Variants in RASGRF2 observed in about 807,000 individuals in gnomAD.
RASGRF2 encodes the protein ras-specific guanine nucleotide-releasing factor 2.
Under a neutral mutation model 151.0 loss-of-function variants are expected in RASGRF2, and 76 were observed. The ratio of observed to expected loss-of-function variants is 0.50; its 90% CI spans 0.42 to 0.61. The LOEUF (loss-of-function observed/expected upper bound fraction) is 0.61. Among genes scored for constraint, RASGRF2 ranks in the 20% least tolerant of loss-of-function variants. The pLI is 0.00. For missense variants in RASGRF2, 1,148 were observed against 1,564.6 expected (o/e 0.73, Z 4.49); for synonymous variants, 504 against 566.5 (o/e 0.89, Z 1.57).
At chr5:81,184,474 A>T (rs1182863854) in intron 18 of RASGRF2, among the ~76,000 whole-genome samples, 1 of 152,190 alleles carries the variant, frequency 6.6e-6, no homozygotes, top group East Asian at 1.9e-4. Flanking sequence ...CAATTACCGT[A>T]TTGACCAACC....
intron 18 of RASGRF2, chr5:81,183,335 A>G: frequency 4.1e-6 from 4 of 975,830 alleles, no homozygotes; most frequent in Non-Finnish European, 4.9e-6. Context: ...TAACATTGGC[A>G]GATACTACCT....
chr5:81,068,259 G>A, intron 3 of RASGRF2, 80 bp downstream of exon 3: 1 of 1,485,086 alleles, frequency 6.7e-7, no homozygotes, highest in Non-Finnish European at 9.1e-7. Context: ...GCCTATTCAG[G>A]GCAACATTTT....
chr5:81,018,767 A>G (rs1375330502), intron 1 of RASGRF2, among the ~76,000 whole-genome samples: 1 of 150,890 alleles, frequency 6.6e-6, no homozygotes, highest in African/African-American at 2.4e-5. Flanking sequence ...ATGTACCTAG[A>G]CTGGAGAATT....
chr5:81,092,857 G>A lies in RASGRF2; in HGVS notation c.1447G>A (p.Gly483Ser). ...GGGGAAACTTAGTAAAGTTCGCCTG[G>A]GTTCGTTGTCTTTGAAAAAGGAAGG... ...ERGKLSKVRL[G>S]SLSLKKEGER... The change falls in exon 10 of 27, where the codon GGT becomes AGT. Residue 483 changes from glycine to serine, a missense_variant. Gly to Ser is a moderately conservative substitution (Grantham distance 56). Transcript: ENST00000265080. The A allele has an allele frequency of 1.2e-6, 2 of 1,613,302 alleles. No individual in the cohort carries two copies. The highest frequency in any genetic ancestry group is 8.5e-7 in the Non-Finnish European group (1 of 1,179,346).
chr5:80,965,127 C>T (rs1747682460), intron 1 of RASGRF2, among the ~76,000 whole-genome samples: 1 of 151,974 alleles, frequency 6.6e-6, no homozygotes, highest in African/African-American at 2.4e-5. Flanking sequence ...ATGTGATTTC[C>T]TGTCACTTCA....
intron 17 of RASGRF2, among the ~76,000 whole-genome samples, chr5:81,145,770 G>A (rs1438421312): frequency 2.6e-5 from 4 of 152,168 alleles, no homozygotes; most frequent in Admixed American, 2.0e-4. Context: ...GACTCCAGCC[G>A]CATGGCCCTG....
chr5:81,045,315 G>A (rs1272806332), intron 2 of RASGRF2, among the ~76,000 whole-genome samples: 1 of 152,108 alleles, frequency 6.6e-6, no homozygotes, highest in Non-Finnish European at 1.5e-5. Flanking sequence ...TAGCCCAAAT[G>A]CCTTTGTAGT....
At chr5:81,047,159 G>A (rs531451949) in intron 2 of RASGRF2, among the ~76,000 whole-genome samples, 5 of 152,302 alleles carry the variant, frequency 3.3e-5, no homozygotes, top group African/African-American at 9.6e-5. Context: ...ATGAGCATTG[G>A]CCAGGAAATG....
intron 1 of RASGRF2, among the ~76,000 whole-genome samples, chr5:81,035,600 T>G (rs1384867187): frequency 2.0e-5 from 3 of 151,466 alleles, no homozygotes; most frequent in Admixed American, 2.0e-4. Context: ...ATCCTAGAAC[T>G]TAAAGTATAA....
chr5:81,018,337 C>T (rs1749708881), intron 1 of RASGRF2, among the ~76,000 whole-genome samples: 1 of 152,104 alleles, frequency 6.6e-6, no homozygotes, highest in African/African-American at 2.4e-5. Flanking sequence ...GCCGACCTTA[C>T]TGTTATTTTT....
intron 5 of RASGRF2, among the ~76,000 whole-genome samples, chr5:81,074,118 A>AC (rs1751866539): frequency 6.6e-6 from 1 of 152,196 alleles, no homozygotes; most frequent in Admixed American, 6.5e-5. Context: ...AAAAGCTAAG[A>AC]CAGGACCTGA....
At chr5:81,217,100 C>G in intron 24 of RASGRF2, 1 of 467,256 alleles carries the variant, frequency 2.1e-6, no homozygotes, top group East Asian at 4.7e-5. Flanking sequence ...GTATTTGTCT[C>G]TAAGATATCC....
chr5:81,139,786 A>G lies in RASGRF2; in HGVS notation c.2686+12623A>G, dbSNP rs144121424. Among the ~76,000 whole-genome samples, 132 of 152,030 alleles carry G rather than the reference A, an allele frequency of 8.7e-4. 1 individual carries two copies. The East Asian group carries it at 0.023, about 26-fold the overall frequency. On this transcript the variant is annotated intron_variant, in intron 17 of 26. Coordinates refer to ENST00000265080, the MANE Select transcript of RASGRF2 (RefSeq NM_006909.3). Reference sequence around the variant, plus strand: ...AAAAGGCGCCTATCAAAATAATCCCACAAAGCTCTTTCCGTACACATCCCA... The same window carrying G: ...AAAAGGCGCCTATCAAAATAATCCCGCAAAGCTCTTTCCGTACACATCCCA...
chr5:80,978,485 T>A (rs1032219540), intron 1 of RASGRF2, among the ~76,000 whole-genome samples: 1 of 152,160 alleles, frequency 6.6e-6, no homozygotes, highest in African/African-American at 2.4e-5. Flanking sequence ...TAAATAGACA[T>A]TTTAAAGGGG....
chr5:81,223,761 CAAAG>C (rs1257548317), intron 26 of RASGRF2, among the ~76,000 whole-genome samples: 3 of 151,834 alleles, frequency 2.0e-5, no homozygotes, highest in East Asian at 1.9e-4. Flanking sequence ...AGAAGGCACT[CAAAG>C]AAAGTGCCAG....
chr5:81,177,505 AACTTAGTAAGTTCAT>A (rs1284935412), intron 17 of RASGRF2, among the ~76,000 whole-genome samples: 1 of 151,696 alleles, frequency 6.6e-6, no homozygotes, highest in African/African-American at 2.4e-5. Flanking sequence ...CATGCAATAC[AACTTAGTAAGTTCAT>A]ACTATGTAGG....
intron 9 of RASGRF2, among the ~76,000 whole-genome samples, chr5:81,090,786 A>C (rs1373519819): frequency 2.6e-5 from 4 of 152,158 alleles, no homozygotes; most frequent in Non-Finnish European, 5.9e-5. Flanking sequence ...TTCTTTCTAA[A>C]TTGTATTTAT....
intron 17 of RASGRF2, among the ~76,000 whole-genome samples, chr5:81,177,722 A>G (rs1043438698): frequency 6.6e-6 from 1 of 151,918 alleles, no homozygotes; most frequent in African/African-American, 2.4e-5. Context: ...GTGCCGTGAG[A>G]TATGTAATGG....
At position 81,040,834 on chromosome 5, in the gene RASGRF2, G is replaced by C. The variant is rs890392637; in HGVS notation, c.289-2043G>C. On this transcript the variant is annotated intron_variant, in intron 1 of 26. Transcript: ENST00000265080. ...CCATACTTTGGTTCACAGTGGTTAG[G>C]AACTTGTAGAGGACATATCCTAAGG... 4.6e-5 allele frequency among the ~76,000 whole-genome samples: 7 copies of C among 152,290 alleles called. No individual in the cohort carries two copies. In the Middle Eastern group the frequency reaches 0.01, roughly 222 times the overall value.
Sources: allele counts gnomAD v4.1 joint callset (sites outside exome capture counted in the v4.1 genomes callset), GRCh38; gene constraint gnomAD v4.1.1; transcripts MANE v1.5; gene names NCBI Gene and HGNC (gene_info 2026-07-23, HGNC 2026-07-21).